ETV6: variants seen among roughly 807,000 people sequenced by gnomAD.
The protein encoded by ETV6 is ETS variant transcription factor 6.
In ETV6, 16 loss-of-function variants were observed where a neutral mutation model predicts 51.1. The observed-to-expected ratio is 0.31, with a 90% confidence interval of 0.21 to 0.48. ETV6 has a LOEUF of 0.48. ETV6 is among the 20% of genes least tolerant of loss of function. The probability of loss-of-function intolerance (pLI) is 0.99; values close to 1 mark genes in which losing one functional copy is unlikely to be tolerated. For synonymous variants in ETV6, 240 were observed against 224.1 expected, an observed-to-expected ratio of 1.07 and a Z score of -0.64; for missense variants, 458 against 594.8, an observed-to-expected ratio of 0.77 and a Z score of 2.39.
chr12:11,700,990 G>C (rs1864969735), intron 1 of ETV6, among the ~76,000 whole-genome samples: 1 of 151,808 alleles, frequency 6.6e-6, no homozygotes, highest in Admixed American at 6.6e-5. Flanking sequence ...AGGCCTTGAG[G>C]AGGATCCTCT....
At chr12:11,763,386 A>T (rs1340819283) in intron 2 of ETV6, among the ~76,000 whole-genome samples, 1 of 152,216 alleles carries the variant, frequency 6.6e-6, no homozygotes, top group African/African-American at 2.4e-5. Flanking sequence ...TTAGGAACAC[A>T]AAAGTAGGAA....
intron 1 of ETV6, among the ~76,000 whole-genome samples, chr12:11,750,362 C>T (rs1429513387): frequency 1.3e-5 from 2 of 152,184 alleles, no homozygotes; most frequent in Admixed American, 6.5e-5. Context: ...CATGGAGGGC[C>T]GGGTTTCTCC....
At chr12:11,691,199 C>T (rs938962577) in intron 1 of ETV6, among the ~76,000 whole-genome samples, 40 of 152,120 alleles carry the variant, frequency 2.6e-4, no homozygotes, top group Non-Finnish European at 1.5e-4. Context: ...ACCCTCATGA[C>T]TTAAAACACC....
chr12:11,723,547 A>G (rs1359494217), intron 1 of ETV6, among the ~76,000 whole-genome samples: 1 of 151,858 alleles, frequency 6.6e-6, no homozygotes. Context: ...GAGTTTTTTC[A>G]GGACTGTTCA....
At chr12:11,749,000 A>G (rs1171013871) in intron 1 of ETV6, among the ~76,000 whole-genome samples, 1 of 151,948 alleles carries the variant, frequency 6.6e-6, no homozygotes, top group Non-Finnish European at 1.5e-5. Context: ...CTCCTTGACA[A>G]CCTGCTCATA....
At chr12:11,742,209 C>A (rs1353464999) in intron 1 of ETV6, among the ~76,000 whole-genome samples, 1 of 152,228 alleles carries the variant, frequency 6.6e-6, no homozygotes, top group Non-Finnish European at 1.5e-5. Context: ...TGCACACACA[C>A]TTCTGTATTC....
intron 2 of ETV6, among the ~76,000 whole-genome samples, chr12:11,760,555 A>T (rs1474336281): frequency 6.6e-6 from 1 of 152,144 alleles, no homozygotes; most frequent in African/African-American, 2.4e-5. Context: ...ATACTTTTTT[A>T]AAAGCACCTA....
At chr12:11,657,303 G>A (rs189870564) in intron 1 of ETV6, among the ~76,000 whole-genome samples, 91 of 152,182 alleles carry the variant, frequency 6.0e-4, no homozygotes, top group Middle Eastern at 6.8e-3. Flanking sequence ...TCCATCCTAG[G>A]TCCATGTTCC....
chr12:11,725,469 A>G (rs1865470849), intron 1 of ETV6, among the ~76,000 whole-genome samples: 2 of 152,136 alleles, frequency 1.3e-5, no homozygotes, highest in South Asian at 2.1e-4. Flanking sequence ...CTCAAAGGCA[A>G]TATATATTTT....
At chr12:11,683,191 G>A (rs904718868) in intron 1 of ETV6, among the ~76,000 whole-genome samples, 2 of 152,114 alleles carry the variant, frequency 1.3e-5, no homozygotes, top group Admixed American at 6.5e-5. Context: ...TTACAGGCGC[G>A]CTCCACCATG....
At chr12:11,890,427 CTTTT>C (rs11316604) in intron 7 of ETV6, among the ~76,000 whole-genome samples, 10,570 of 143,434 alleles carry the variant, frequency 0.074, 479 homozygotes, top group Non-Finnish European at 0.11. Flanking sequence ...ACAGCCTAGA[CTTTT>C]TTTTTTTTTT....
chr12:11,865,186 G>A (rs1359531605), intron 4 of ETV6, among the ~76,000 whole-genome samples: 1 of 150,348 alleles, frequency 6.7e-6, no homozygotes, highest in Non-Finnish European at 1.5e-5. Flanking sequence ...GGGAGGTGGA[G>A]CTTGCAGTGA....
At chr12:11,816,628 G>T (rs1448343430) in intron 2 of ETV6, among the ~76,000 whole-genome samples, 5 of 152,180 alleles carry the variant, frequency 3.3e-5, no homozygotes, top group Admixed American at 6.5e-5. Flanking sequence ...ATAGAGGAGA[G>T]ACCTTAATGT....
At chr12:11,882,892 A>G (rs1297869881) in intron 5 of ETV6, among the ~76,000 whole-genome samples, 1 of 152,216 alleles carries the variant, frequency 6.6e-6, no homozygotes, top group African/African-American at 2.4e-5. Context: ...GCCTTGCCCA[A>G]AGTAAAAAAG....
intron 2 of ETV6, among the ~76,000 whole-genome samples, chr12:11,799,529 C>T (rs555652753): frequency 6.4e-4 from 98 of 152,278 alleles, no homozygotes; most frequent in African/African-American, 2.3e-3. Context: ...GGCTCTTTGA[C>T]ATACCTTCAT....
rs563392596 is a variant in ETV6 at position 11,895,209 on chromosome 12, C to G, written c.*4163C>G. On this transcript the variant is annotated 3_prime_UTR_variant, in exon 8 of 8. Transcript: ENST00000396373. Reference sequence around the variant, plus strand: ...ACTCTAGAATTTCCTTCCCCGCCCCCCTTTTTGTTTAGTTTCTAATCTCTT... The same window carrying G: ...ACTCTAGAATTTCCTTCCCCGCCCCGCTTTTTGTTTAGTTTCTAATCTCTT... 238 of 232,388 alleles carry G rather than the reference C, an allele frequency of 1.0e-3. No individual in the cohort carries two copies. Among genetic ancestry groups the G allele is most frequent in the Non-Finnish European group, 1.3e-3 (158 of 117,402 alleles). The allele number at this position is 232,388 out of a possible 1,614,324, so 14.4% of individuals were successfully genotyped here.
chr12:11,864,672 A>C (rs1316321677), intron 4 of ETV6, among the ~76,000 whole-genome samples: 1 of 152,088 alleles, frequency 6.6e-6, no homozygotes, highest in African/African-American at 2.4e-5. Context: ...CCCAGTAAGC[A>C]TTTCTATGCA....
chr12:11,774,813 C>G (rs1945295300), intron 2 of ETV6, among the ~76,000 whole-genome samples: 1 of 152,166 alleles, frequency 6.6e-6, no homozygotes, highest in African/African-American at 2.4e-5. Context: ...AATGAACAAC[C>G]AGCAACTTGT....
At chr12:11,731,867 T>G (rs1223945351) in intron 1 of ETV6, among the ~76,000 whole-genome samples, 6 of 152,150 alleles carry the variant, frequency 3.9e-5, no homozygotes, top group Non-Finnish European at 8.8e-5. Flanking sequence ...ATGTATTAGC[T>G]CAGTTGAAAA....
Sources: gnomAD v4.1 joint callset for allele counts (sites outside exome capture counted in the v4.1 genomes callset) on GRCh38, gnomAD v4.1.1 for gene constraint, MANE v1.5 for transcripts, NCBI Gene and HGNC (gene_info 2026-07-23, HGNC 2026-07-21) for gene names.